The following KIAA1217 variants were observed in gnomAD, a reference collection of about 807,000 sequenced individuals.
KIAA1217 encodes the protein KIAA1217.
KIAA1217 carries 88 observed loss-of-function variants against 163.9 expected under a neutral mutation model. The observed-to-expected ratio is 0.54, with a 90% CI of 0.45 to 0.64. The LOEUF (loss-of-function observed/expected upper bound fraction) is 0.64. Ranked by LOEUF, KIAA1217 falls within the 30% of genes least tolerant of loss-of-function variation. The pLI, the probability that KIAA1217 is intolerant of heterozygous loss-of-function variation, is 0.00. For synonymous variants in KIAA1217, 903 were observed against 923.1 expected, an observed-to-expected ratio of 0.98 and a Z score of 0.39; for missense variants, 2,372 against 2,475.0, an observed-to-expected ratio of 0.96 and a Z score of 0.88.
At chr10:24,490,549 T>G (rs2065975127) in intron 6 of KIAA1217, among the ~76,000 whole-genome samples, 1 of 152,262 alleles carries the variant, frequency 6.6e-6, no homozygotes, top group Admixed American at 6.5e-5. Context: ...CAATCTTATT[T>G]ATTAATGTAT....
chr10:23,817,317 A>C (rs1837353578), intron 1 of KIAA1217, among the ~76,000 whole-genome samples: 1 of 152,174 alleles, frequency 6.6e-6, no homozygotes, highest in Admixed American at 6.5e-5. Context: ...ATCCAGAAGA[A>C]TTGTCAAATT....
intron 2 of KIAA1217, among the ~76,000 whole-genome samples, chr10:24,352,901 G>T (rs985417568): frequency 2.6e-5 from 4 of 152,090 alleles, no homozygotes; most frequent in Non-Finnish European, 5.9e-5. Context: ...CTTTATAGGG[G>T]CTTGCAGGTA....
intron 2 of KIAA1217, among the ~76,000 whole-genome samples, chr10:24,010,537 T>C (rs184664334): frequency 6.6e-6 from 1 of 152,078 alleles, no homozygotes; most frequent in East Asian, 1.9e-4. Context: ...ACTGTAGATC[T>C]TCCCCCCCTT....
intron 2 of KIAA1217, among the ~76,000 whole-genome samples, chr10:24,075,147 CA>C (rs2131638695): frequency 6.6e-6 from 1 of 151,780 alleles, no homozygotes; most frequent in African/African-American, 2.4e-5. Context: ...CACACACACA[CA>C]CACACACACA....
chr10:24,089,899 GT>G (rs1343896773), intron 2 of KIAA1217, among the ~76,000 whole-genome samples: 1 of 151,760 alleles, frequency 6.6e-6, no homozygotes, highest in Non-Finnish European at 1.5e-5. Flanking sequence ...TGCCATCCCT[GT>G]CAAGCTACCA....
At chr10:24,140,584 C>A (rs943568192) in intron 2 of KIAA1217, among the ~76,000 whole-genome samples, 2 of 152,056 alleles carry the variant, frequency 1.3e-5, no homozygotes, top group Non-Finnish European at 2.9e-5. Context: ...TGATTCTTGT[C>A]CTGGGTGGAA....
chr10:24,178,540 A>G (rs529723951), intron 2 of KIAA1217, among the ~76,000 whole-genome samples: 1 of 152,340 alleles, frequency 6.6e-6, no homozygotes, highest in African/African-American at 2.4e-5. Context: ...GATAACAGCC[A>G]GCTACCATAT....
intron 10 of KIAA1217, 125 bp from the exon 11 acceptor site, chr10:24,519,998 G>C (rs1170961486): frequency 6.3e-6 from 7 of 1,111,400 alleles, no homozygotes; most frequent in Non-Finnish European, 7.7e-6. Context: ...ACCACCACAC[G>C]AAAGGCAGGG....
intron 2 of KIAA1217, among the ~76,000 whole-genome samples, chr10:24,310,914 G>A (rs554223420): frequency 1.2e-4 from 18 of 152,136 alleles, no homozygotes; most frequent in African/African-American, 3.1e-4. Context: ...GGAGGATCAC[G>A]TGAGCCTGAA....
intron 2 of KIAA1217, among the ~76,000 whole-genome samples, chr10:24,361,771 C>T (rs1052525362): frequency 6.6e-6 from 1 of 151,896 alleles, no homozygotes; most frequent in Non-Finnish European, 1.5e-5. Context: ...GTCAGGAGAT[C>T]GAGACCATCC....
intron 2 of KIAA1217, among the ~76,000 whole-genome samples, chr10:24,175,465 G>T (rs1023890357): frequency 4.0e-5 from 6 of 151,084 alleles, no homozygotes; most frequent in Non-Finnish European, 4.4e-5. Flanking sequence ...GTGTGTGTGT[G>T]TTTATTGTTT....
intron 1 of KIAA1217, among the ~76,000 whole-genome samples, chr10:23,751,530 A>G (rs537117609): frequency 2.6e-5 from 4 of 152,152 alleles, no homozygotes; most frequent in South Asian, 2.1e-4. Flanking sequence ...AGGAGCTAAA[A>G]TGTCTTTTTT....
intron 1 of KIAA1217, among the ~76,000 whole-genome samples, chr10:23,980,127 C>T (rs115251566): frequency 1.5e-3 from 223 of 152,172 alleles, no homozygotes; most frequent in African/African-American, 5.0e-3. Flanking sequence ...TGATCCTTTC[C>T]TCCTGCTGTT....
chr10:23,996,409 G>A (rs988927991), intron 1 of KIAA1217, among the ~76,000 whole-genome samples: 27 of 152,150 alleles, frequency 1.8e-4, no homozygotes, highest in Non-Finnish European at 3.4e-4. Flanking sequence ...GGAGCACTGG[G>A]CCGGTAATTC....
chr10:24,332,537 G>C (rs2045819141), intron 2 of KIAA1217, among the ~76,000 whole-genome samples: 1 of 152,006 alleles, frequency 6.6e-6, no homozygotes, highest in Admixed American at 6.6e-5. Context: ...TTTAAAAAGA[G>C]CAACTCCTGT....
intron 17 of KIAA1217, among the ~76,000 whole-genome samples, chr10:24,538,540 A>AGGAGGGAT (rs1360037220): frequency 9.0e-6 from 1 of 111,564 alleles, no homozygotes; most frequent in East Asian, 3.2e-4. Flanking sequence ...GAGAGAGGGT[A>AGGAGGGAT]GGAGGGATGG....
chr10:24,321,065 A>T (rs2044085024), intron 2 of KIAA1217, among the ~76,000 whole-genome samples: 2 of 151,552 alleles, frequency 1.3e-5, no homozygotes, highest in African/African-American at 2.4e-5. Context: ...AACAAAAAAA[A>T]TGCTACAGAG....
At chr10:24,068,109 G>A (rs115696384) in intron 2 of KIAA1217, among the ~76,000 whole-genome samples, 2,520 of 152,270 alleles carry the variant, frequency 0.017, 67 homozygotes, top group African/African-American at 0.058. Context: ...GCGATGCCTC[G>A]CCTTGCTTCC....
intron 1 of KIAA1217, among the ~76,000 whole-genome samples, chr10:23,791,500 C>T (rs187127777): frequency 6.6e-5 from 10 of 152,230 alleles, no homozygotes; most frequent in African/African-American, 2.4e-4. Flanking sequence ...AACCACAGTA[C>T]CAATATCACA....
Sources: gnomAD v4.1 joint callset for allele counts (sites outside exome capture counted in the v4.1 genomes callset) on GRCh38, gnomAD v4.1.1 for gene constraint, MANE v1.5 for transcripts, NCBI Gene and HGNC (gene_info 2026-07-23, HGNC 2026-07-21) for gene names.